The following DENND2B variants were observed in gnomAD, a reference collection of about 807,000 sequenced individuals.
The protein encoded by DENND2B is DENN domain-containing protein 2B.
A neutral mutation model predicts 116.0 loss-of-function variants in DENND2B; 32 were observed. The observed-to-expected ratio is 0.28, with a 90% CI of 0.21 to 0.37. The LOEUF (loss-of-function observed/expected upper bound fraction) is 0.37, where lower values mean the gene tolerates loss of function less well. Ranked by LOEUF, DENND2B falls within the 10% of genes least tolerant of loss-of-function variation. The pLI is 1.00. For synonymous variants in DENND2B, 588 were observed against 583.9 expected, an observed-to-expected ratio of 1.01 and a Z score of -0.10; for missense variants, 1,276 against 1,477.7, an observed-to-expected ratio of 0.86 and a Z score of 2.24.
chr11:8,728,381 A>T (rs2047496307), intron 3 of DENND2B, among the ~76,000 whole-genome samples: 1 of 151,746 alleles, frequency 6.6e-6, no homozygotes, highest in Non-Finnish European at 1.5e-5. Context: ...TACCATCTCT[A>T]CTCCTCATGG....
At chr11:8,695,758 C>T in intron 18 of DENND2B, 1 of 576,030 alleles carries the variant, frequency 1.7e-6, no homozygotes, top group Non-Finnish European at 3.1e-6. Context: ...CTGCTGCCAC[C>T]CTGCCTCCCC....
chr11:8,855,298 T>C (rs572576309), intron 3 of DENND2B, among the ~76,000 whole-genome samples: 1 of 151,898 alleles, frequency 6.6e-6, no homozygotes, highest in Non-Finnish European at 1.5e-5. Context: ...AGGGGAAGAC[T>C]ATCTCGCTCA....
In DENND2B at chr11:8,698,941, T is replaced by C; in HGVS notation, c.2932A>G (p.Ile978Val). 1 of 1,614,188 alleles carries C rather than the reference T, an allele frequency of 6.2e-7. No homozygotes were observed. Among genetic ancestry groups the C allele is most frequent in the Non-Finnish European group, 8.5e-7 (1 of 1,180,038 alleles). ...AGCACCCACCCTCTTACCTGTCGGA[T>C]GAATCGGTCAGATCCCAGATTCACC... ...LMVNLGSDRF[I>V]RQMDDEDTLL... Residue 978 changes from isoleucine to valine, a missense_variant, in exon 16 of 20, where the codon ATC (isoleucine) becomes GTC (valine). Ile to Val is a conservative substitution (Grantham distance 29). This residue lies in a region of DENND2B where 420 missense variants were observed against 631.1 expected (regional missense o/e 0.67). Transcript: ENST00000313726.
intron 14 of DENND2B, among the ~76,000 whole-genome samples, chr11:8,701,188 T>C (rs976698282): frequency 5.3e-5 from 8 of 152,106 alleles, no homozygotes; most frequent in Admixed American, 3.9e-4. Flanking sequence ...CCATTAGAAA[T>C]TGGGTCCACC....
chr11:8,826,993 T>G (rs1221922104), intron 4 of DENND2B, among the ~76,000 whole-genome samples: 1 of 152,048 alleles, frequency 6.6e-6, no homozygotes, highest in African/African-American at 2.4e-5. Flanking sequence ...TAGAAAGCAA[T>G]TTAAGATCTT....
At chr11:8,825,673 C>CA (rs1594125032) in intron 4 of DENND2B, among the ~76,000 whole-genome samples, 1 of 151,624 alleles carries the variant, frequency 6.6e-6, no homozygotes, top group East Asian at 1.9e-4. Context: ...GAAAAGCCTC[C>CA]ACAAACTGGA....
chr11:8,791,981 G>C (rs34090393), intron 1 of DENND2B, among the ~76,000 whole-genome samples: 1 of 89,024 alleles, frequency 1.1e-5, no homozygotes, highest in African/African-American at 3.8e-5. Flanking sequence ...AAGGCGCGTG[G>C]ATCACCTGAG....
intron 2 of DENND2B, among the ~76,000 whole-genome samples, chr11:8,744,139 T>G (rs1468219600): frequency 2.0e-5 from 3 of 151,662 alleles, no homozygotes; most frequent in African/African-American, 7.3e-5. Context: ...GAAGTTTTTT[T>G]TTTTTTTTTG....
At chr11:8,695,733 T>C (rs917146310) in intron 18 of DENND2B, 184 bp from the exon 19 acceptor site, 1 of 600,098 alleles carries the variant, frequency 1.7e-6, no homozygotes. Flanking sequence ...ATTAGTGACA[T>C]CTTGCCGGGG....
intron 3 of DENND2B, among the ~76,000 whole-genome samples, chr11:8,848,151 TA>T (rs1334503784): frequency 6.6e-6 from 1 of 152,194 alleles, no homozygotes; most frequent in Non-Finnish European, 1.5e-5. Flanking sequence ...GAGATGCATA[TA>T]AAACTCTCAG....
chr11:8,844,395 G>C (rs1346063837), intron 3 of DENND2B, among the ~76,000 whole-genome samples: 1 of 152,052 alleles, frequency 6.6e-6, no homozygotes, highest in Non-Finnish European at 1.5e-5. Flanking sequence ...GCAGAACTCT[G>C]TCTCGACAAA....
At chr11:8,887,105 G>A (rs2063969551) in intron 1 of DENND2B, among the ~76,000 whole-genome samples, 1 of 152,126 alleles carries the variant, frequency 6.6e-6, no homozygotes, top group Non-Finnish European at 1.5e-5. Flanking sequence ...TGGGATTACA[G>A]CACGGTGAGC....
At chr11:8,869,786 T>A (rs80340139) in intron 2 of DENND2B, among the ~76,000 whole-genome samples, 2 of 152,346 alleles carry the variant, frequency 1.3e-5, no homozygotes, top group East Asian at 3.9e-4. Flanking sequence ...CTTCACTTCA[T>A]GCATTCAACA....
intron 1 of DENND2B, among the ~76,000 whole-genome samples, chr11:8,779,514 CTTT>C (rs771481403): frequency 4.8e-4 from 15 of 31,462 alleles, no homozygotes; most frequent in African/African-American, 1.0e-3. Context: ...TTCTTTCTTT[CTTT>C]TTTTTTTTTT....
chr11:8,737,914 A>T (rs1217440743), intron 2 of DENND2B, among the ~76,000 whole-genome samples: 3 of 144,980 alleles, frequency 2.1e-5, no homozygotes, highest in African/African-American at 5.1e-5. Flanking sequence ...GGTCCAGCTA[A>T]TTTTTTTTTT....
intron 1 of DENND2B, among the ~76,000 whole-genome samples, chr11:8,797,286 G>A (rs10769959): frequency 0.59 from 89,358 of 151,990 alleles, 27,156 homozygotes; most frequent in Non-Finnish European, 0.66. Context: ...ATGTCTTACC[G>A]CTAACCTAAA....
At chr11:8,744,165 C>T (rs1256601954) in intron 2 of DENND2B, among the ~76,000 whole-genome samples, 1 of 142,106 alleles carries the variant, frequency 7.0e-6, no homozygotes, top group South Asian at 2.3e-4. Flanking sequence ...CAGAGTTTTG[C>T]TCTTGTTGCC....
At chr11:8,826,047 T>A (rs1029946939) in intron 4 of DENND2B, among the ~76,000 whole-genome samples, 4 of 152,166 alleles carry the variant, frequency 2.6e-5, no homozygotes, top group African/African-American at 9.7e-5. Context: ...CCCCTTAAAC[T>A]GAGAAGATAA....
At chr11:8,781,162 T>G (rs2058332805) in intron 1 of DENND2B, among the ~76,000 whole-genome samples, 1 of 152,194 alleles carries the variant, frequency 6.6e-6, no homozygotes, top group African/African-American at 2.4e-5. Flanking sequence ...CATTGATGGA[T>G]TCTCAGTATG....
Sources: allele counts gnomAD v4.1 joint callset (sites outside exome capture counted in the v4.1 genomes callset), GRCh38; gene constraint gnomAD v4.1.1; regional missense constraint gnomAD v4.1.1; transcripts MANE v1.5; gene names NCBI Gene and HGNC (gene_info 2026-07-23, HGNC 2026-07-21).